The following ELP4 variants were observed in gnomAD, a reference collection of about 807,000 sequenced individuals.
ELP4 encodes elongator acetyltransferase complex subunit 4, also known as elongator complex protein 4.
In ELP4, 51 loss-of-function variants were observed where a neutral mutation model predicts 48.9. That is an observed-to-expected ratio of 1.04 (90% CI 0.83 to 1.32). The LOEUF is 1.32. Among genes scored for constraint, ELP4 ranks in the 40% most tolerant of loss-of-function variants. ELP4 has a pLI of 0.00. For synonymous variants in ELP4, 210 were observed against 189.2 expected, an observed-to-expected ratio of 1.11 and a Z score of -0.90; for missense variants, 519 against 514.6, an observed-to-expected ratio of 1.01 and a Z score of -0.08.
chr11:31,622,898 C>G (rs1944652740), intron 5 of ELP4, among the ~76,000 whole-genome samples: 1 of 151,270 alleles, frequency 6.6e-6, no homozygotes. Context: ...AACAATTTTA[C>G]TTTTTTAACT....
chr11:31,741,922 A>G (rs1361957080), intron 9 of ELP4, among the ~76,000 whole-genome samples: 1 of 152,212 alleles, frequency 6.6e-6, no homozygotes, highest in Non-Finnish European at 1.5e-5. Context: ...TTGAGAGAAG[A>G]AGGCTTCAGA....
At chr11:31,758,591 A>G (rs570994555) in intron 9 of ELP4, among the ~76,000 whole-genome samples, 1 of 152,292 alleles carries the variant, frequency 6.6e-6, no homozygotes, top group South Asian at 2.1e-4. Flanking sequence ...AATATATTGT[A>G]CAAGACCTCA....
intron 9 of ELP4, among the ~76,000 whole-genome samples, chr11:31,752,233 A>G (rs1947736493): frequency 6.6e-6 from 1 of 152,178 alleles, no homozygotes; most frequent in South Asian, 2.1e-4. Context: ...CAACATCACA[A>G]TGTAGAAATG....
intron 9 of ELP4, among the ~76,000 whole-genome samples, chr11:31,705,000 A>T (rs1457604503): frequency 6.7e-6 from 1 of 149,192 alleles, no homozygotes; most frequent in Non-Finnish European, 1.5e-5. Context: ...ACAGAGCGAG[A>T]CTCCATCTCA....
At chr11:31,591,916 TA>T (rs1236687509) in intron 3 of ELP4, among the ~76,000 whole-genome samples, 2 of 152,018 alleles carry the variant, frequency 1.3e-5, no homozygotes, top group African/African-American at 2.4e-5. Flanking sequence ...TATTCGACCA[TA>T]AAAAAGAATG....
At chr11:31,510,464 T>A in intron 1 of ELP4, 1 of 411,394 alleles carries the variant, frequency 2.4e-6, no homozygotes, top group Non-Finnish European at 4.3e-6. Flanking sequence ...TTCCCCTCTT[T>A]GACCGTCAGA....
chr11:31,595,980 A>G (rs561648823), intron 4 of ELP4, among the ~76,000 whole-genome samples: 1 of 152,268 alleles, frequency 6.6e-6, no homozygotes, highest in Admixed American at 6.5e-5. Flanking sequence ...TTCTTTTAGT[A>G]ATGCTTTTTT....
chr11:31,651,715 C>G (rs1422829418), intron 9 of ELP4: 1 of 151,636 alleles, frequency 6.6e-6, no homozygotes, highest in African/African-American at 2.4e-5. Context: ...AGTTTTTTCT[C>G]TCCATGTGGC....
chr11:31,642,519 G>A (rs920964232), intron 7 of ELP4, among the ~76,000 whole-genome samples: 3 of 151,716 alleles, frequency 2.0e-5, no homozygotes, highest in African/African-American at 7.3e-5. Context: ...TTGTGGATAC[G>A]TTTTGAGCTT....
At chr11:31,776,184 G>A (rs1017452692) in intron 9 of ELP4, among the ~76,000 whole-genome samples, 9 of 151,144 alleles carry the variant, frequency 6.0e-5, no homozygotes, top group African/African-American at 1.9e-4. Context: ...AAGAGTATGG[G>A]ATCTAGAAGC....
At chr11:31,588,270 C>T (rs1457774630) in intron 3 of ELP4, among the ~76,000 whole-genome samples, 1 of 151,972 alleles carries the variant, frequency 6.6e-6, no homozygotes, top group Admixed American at 6.6e-5. Flanking sequence ...AATGATGATT[C>T]TTTACTTCTT....
chr11:31,696,701 A>C (rs1180933514), intron 9 of ELP4, among the ~76,000 whole-genome samples: 1 of 152,148 alleles, frequency 6.6e-6, no homozygotes, highest in East Asian at 1.9e-4. Flanking sequence ...AGCCACTGCA[A>C]AAACATGCCA....
intron 5 of ELP4, among the ~76,000 whole-genome samples, chr11:31,623,817 A>G (rs899890635): frequency 7.3e-5 from 11 of 151,508 alleles, no homozygotes; most frequent in African/African-American, 2.4e-4. Context: ...TATGTCTAAT[A>G]AAAGGGTTCA....
chr11:31,610,393 T>A (rs1592156740), intron 5 of ELP4, among the ~76,000 whole-genome samples: 1 of 152,190 alleles, frequency 6.6e-6, no homozygotes, highest in Non-Finnish European at 1.5e-5. Flanking sequence ...ATTCAAAGGG[T>A]ACATTTGCAG....
At chr11:31,560,901 A>G (rs1000860245) in intron 3 of ELP4, among the ~76,000 whole-genome samples, 1 of 151,854 alleles carries the variant, frequency 6.6e-6, no homozygotes, top group Non-Finnish European at 1.5e-5. Context: ...TTTGCCCACA[A>G]TCTTCTACAT....
chr11:31,543,536 G>C (rs1406517209), intron 3 of ELP4, among the ~76,000 whole-genome samples: 1 of 152,200 alleles, frequency 6.6e-6, no homozygotes, highest in Non-Finnish European at 1.5e-5. Flanking sequence ...AGCCAGGATG[G>C]TCTTGATCTC....
At chr11:31,664,620 G>A (rs1945633161) in intron 9 of ELP4, among the ~76,000 whole-genome samples, 1 of 151,944 alleles carries the variant, frequency 6.6e-6, no homozygotes, top group South Asian at 2.1e-4. Context: ...TTCTTCCTGA[G>A]AAAGTCATCA....
At chr11:31,754,061 G>A (rs1390316594) in intron 9 of ELP4, among the ~76,000 whole-genome samples, 7 of 151,990 alleles carry the variant, frequency 4.6e-5, no homozygotes, top group African/African-American at 9.7e-5. Context: ...GTATTTCTAC[G>A]TAAATACACA....
intron 9 of ELP4, among the ~76,000 whole-genome samples, chr11:31,677,531 G>A (rs887659391): frequency 6.6e-6 from 1 of 151,980 alleles, no homozygotes; most frequent in Admixed American, 6.6e-5. Flanking sequence ...TAAGACCTCT[G>A]CTTTATATTA....
Sources: gnomAD v4.1 joint callset for allele counts (sites outside exome capture counted in the v4.1 genomes callset) on GRCh38, gnomAD v4.1.1 for gene constraint, MANE v1.5 for transcripts, NCBI Gene and HGNC (gene_info 2026-07-23, HGNC 2026-07-21) for gene names.